The following CMYA5 variants were observed in gnomAD, a reference collection of about 807,000 sequenced individuals.
CMYA5 encodes cardiomyopathy-associated protein 5.
CMYA5 carries 246 observed loss-of-function variants against 318.9 expected under a neutral mutation model. That is an observed-to-expected ratio of 0.77 (90% CI 0.70 to 0.86). The LOEUF is 0.86. Among genes scored for constraint, CMYA5 ranks in the 40% least tolerant of loss-of-function variants. The pLI is 0.00. For synonymous variants in CMYA5, 1,641 were observed against 1,729.5 expected, an observed-to-expected ratio of 0.95 and a Z score of 1.27; for missense variants, 4,589 against 4,678.2, an observed-to-expected ratio of 0.98 and a Z score of 0.56.
At chr5:79,742,068 C>CCCTCT (rs1828220046) in intron 2 of CMYA5, among the ~76,000 whole-genome samples, 20 of 44,680 alleles carry the variant, frequency 4.5e-4, no homozygotes, top group African/African-American at 4.1e-3. Context: ...TCTTCTTCTT[C>CCCTCT]TTCTTCTTCT....
chr5:79,785,104 T>A (rs540022934), intron 9 of CMYA5, among the ~76,000 whole-genome samples: 3 of 152,184 alleles, frequency 2.0e-5, no homozygotes, highest in African/African-American at 7.2e-5. Flanking sequence ...ACTTCCATTA[T>A]TATACACTCA....
rs781549634 is a variant in CMYA5 at position 79,747,088 on chromosome 5, A to C, written c.10969-3A>C. The C allele has an allele frequency of 2.7e-6, 4 of 1,507,458 alleles. No homozygotes were observed. The highest frequency in any genetic ancestry group is 3.6e-6 in the Non-Finnish European group (4 of 1,108,630). The allele number at this position is 1,507,458 out of a possible 1,614,324, so 93.4% of individuals were successfully genotyped here. On this transcript the variant is annotated splice_region_variant and splice_polypyrimidine_tract_variant and intron_variant, in intron 4 of 12. Coordinates refer to ENST00000446378, the MANE Select transcript of CMYA5 (RefSeq NM_153610.5). ...TCCTCCTTCCTCTCTCTTTCTCCCT[A>C]AGTCGTTTGAGGAAATCAATGAAAG...
intron 1 of CMYA5, among the ~76,000 whole-genome samples, chr5:79,690,341 A>G (rs1826942877): frequency 6.6e-6 from 1 of 152,174 alleles, no homozygotes; most frequent in African/African-American, 2.4e-5. Flanking sequence ...AACTGCCGAA[A>G]TGTGCTGGAA....
At chr5:79,707,331 G>A (rs1383949843) in intron 1 of CMYA5, among the ~76,000 whole-genome samples, 2 of 152,094 alleles carry the variant, frequency 1.3e-5, no homozygotes, top group African/African-American at 4.8e-5. Context: ...TTTGTTTAAG[G>A]ACTGTGTGTA....
At chr5:79,746,757 T>A (rs1828331805) in intron 4 of CMYA5, among the ~76,000 whole-genome samples, 1 of 152,138 alleles carries the variant, frequency 6.6e-6, no homozygotes, top group African/African-American at 2.4e-5. Context: ...GGTTGATGAA[T>A]AGAGAGAAGC....
intron 8 of CMYA5, chr5:79,762,852 G>T: frequency 1.9e-6 from 1 of 527,470 alleles, no homozygotes; most frequent in Non-Finnish European, 3.3e-6. Flanking sequence ...GTTTGGGGAT[G>T]GGTGAGAACT....
chr5:79,696,536 C>A (rs1393185019), intron 1 of CMYA5, among the ~76,000 whole-genome samples: 1 of 152,110 alleles, frequency 6.6e-6, no homozygotes, highest in Non-Finnish European at 1.5e-5. Context: ...AAGAAAAATT[C>A]ACTTGCTAAA....
intron 10 of CMYA5, 36 bp downstream of exon 10, chr5:79,789,140 A>C: frequency 6.2e-7 from 1 of 1,610,264 alleles, no homozygotes; most frequent in Non-Finnish European, 8.5e-7. Flanking sequence ...GCTATTTCCA[A>C]GCTATTTCTT....
At chr5:79,743,372 A>G (rs1991483) in intron 2 of CMYA5, among the ~76,000 whole-genome samples, 66,173 of 151,870 alleles carry the variant, frequency 0.44, 15,533 homozygotes, top group African/African-American at 0.62. Flanking sequence ...GCTAAATTTC[A>G]GGCCTTGTGG....
intron 9 of CMYA5, among the ~76,000 whole-genome samples, chr5:79,788,252 T>C (rs1164477168): frequency 6.6e-6 from 1 of 151,420 alleles, no homozygotes; most frequent in East Asian, 1.9e-4. Flanking sequence ...TAGGCTATGA[T>C]ATCAAACAGA....
chr5:79,705,577 C>G (rs948666718), intron 1 of CMYA5, among the ~76,000 whole-genome samples: 5 of 152,176 alleles, frequency 3.3e-5, no homozygotes, highest in Non-Finnish European at 5.9e-5. Context: ...CCCACCCACA[C>G]ATCTTCCCAC....
rs779242405 is a variant in CMYA5, at chr5:79,732,510, G to A, written c.3745G>A (p.Glu1249Lys). ...TTCAGTTTTGCCTGACATGGTAGATGAGCCAAAGAAGGGTGTCAAGCCCAA... is the reference window on the plus strand; with the variant it reads ...TTCAGTTTTGCCTGACATGGTAGATAAGCCAAAGAAGGGTGTCAAGCCCAA... The part of the protein sequence containing the change: ...KYSVLPDMVD[E>K]PKKGVKPKLV... Residue 1249 changes from glutamate (E) to lysine (K), a missense_variant, in exon 2 of 13, where the codon GAG (glutamate) becomes AAG (lysine). Glu to Lys is a moderately conservative substitution (Grantham distance 56). Coordinates refer to ENST00000446378, the MANE Select transcript of CMYA5 (RefSeq NM_153610.5). 2.3e-5 allele frequency: 37 copies of A among 1,613,106 alleles called. No homozygotes were observed. Among genetic ancestry groups the A allele is most frequent in the Admixed American group, 5.0e-5 (3 of 59,864 alleles).
Position 79,734,862 on chromosome 5 carries a change from A to G in CMYA5, c.6097A>G (p.Lys2033Glu). Residue 2033 changes from lysine (K) to glutamate (E), a missense_variant, in exon 2 of 13, where the codon AAA becomes GAA. Around this residue, in one of 3 missense-constraint regions of CMYA5, gnomAD observed 2,431 missense variants for 2,495.1 expected, o/e 0.97. Coordinates refer to ENST00000446378, the MANE Select transcript of CMYA5 (RefSeq NM_153610.5). ...AAACACAGAGCTTTCCTGGCCTTCCAAAGAAGATAGCCAGGAAAAAATTAA... is the reference window on the plus strand; with the variant it reads ...AAACACAGAGCTTTCCTGGCCTTCCGAAGAAGATAGCCAGGAAAAAATTAA... ...KANTELSWPS[K>E]EDSQEKIKLP... is the part of the protein sequence containing the mutation. 6.2e-7 allele frequency: 1 copy of G among 1,613,762 alleles called. No homozygotes were observed. Among genetic ancestry groups the G allele is most frequent in the Non-Finnish European group, 8.5e-7 (1 of 1,179,804 alleles).
rs1163344457 is a variant in CMYA5 at position 79,736,150 on chromosome 5, A to G, written c.7385A>G (p.Asn2462Ser). ...SPTEKKDNLENRSYTLAEKKV... is the reference protein window; with the variant it reads ...SPTEKKDNLESRSYTLAEKKV... Reference sequence around the variant, plus strand: ...ACTGAGAAGAAAGATAATTTGGAAAACAGATCATATACCTTGGCAGAAAAG... The same window carrying G: ...ACTGAGAAGAAAGATAATTTGGAAAGCAGATCATATACCTTGGCAGAAAAG... The change falls in exon 2 of 13, where the codon AAC becomes AGC. Residue 2462 changes from asparagine to serine, a missense_variant. By Grantham distance (46) the Asn-to-Ser change is conservative. This residue lies in a region of CMYA5 where 2,431 missense variants were observed against 2,495.1 expected (regional missense o/e 0.97). Coordinates refer to ENST00000446378, the MANE Select transcript of CMYA5 (RefSeq NM_153610.5). The G allele has an allele frequency of 1.9e-6, 3 of 1,613,786 alleles. No individual in the cohort carries two copies. Among genetic ancestry groups the G allele is most frequent in the Non-Finnish European group, 8.5e-7 (1 of 1,179,778 alleles).
At chr5:79,794,948 T>C (rs528669079) in intron 12 of CMYA5, among the ~76,000 whole-genome samples, 3 of 152,222 alleles carry the variant, frequency 2.0e-5, no homozygotes, top group African/African-American at 7.2e-5. Context: ...TACCCAGAGT[T>C]TGAAATCACT....
At chr5:79,724,563 A>G (rs1020091656) in intron 1 of CMYA5, among the ~76,000 whole-genome samples, 1 of 152,144 alleles carries the variant, frequency 6.6e-6, no homozygotes, top group African/African-American at 2.4e-5. Flanking sequence ...TTGTCTCACT[A>G]CACTCCTATA....
chr5:79,739,940 G>A lies in CMYA5; in HGVS notation c.10638+537G>A, dbSNP rs538985918. On this transcript the variant is annotated intron_variant, in intron 2 of 12. Coordinates refer to ENST00000446378, the MANE Select transcript of CMYA5 (RefSeq NM_153610.5). ...CAAGGCTACAGTTTGCTGAGATCCC[G>A]CCACTGCACTCCACTCTAGGTGACA... Among the ~76,000 whole-genome samples, 39 of 151,844 alleles carry A rather than the reference G, an allele frequency of 2.6e-4. No homozygotes were observed. In the South Asian group the frequency reaches 5.4e-3, roughly 21 times the overall value.
intron 6 of CMYA5, among the ~76,000 whole-genome samples, chr5:79,755,976 T>G (rs1218709264): frequency 2.0e-5 from 3 of 151,784 alleles, no homozygotes; most frequent in Admixed American, 2.0e-4. Flanking sequence ...TACAGCTCCA[T>G]GTATAATTCA....
At position 79,736,006 on chromosome 5, in the gene CMYA5, T is replaced by C. The variant is rs1388023889; in HGVS notation, c.7241T>C (p.Val2414Ala). The C allele has an allele frequency of 1.9e-6, 3 of 1,613,182 alleles. No individual in the cohort carries two copies. The South Asian group carries it at 3.3e-5, about 18-fold the overall frequency. Residue 2414 changes from valine to alanine, a missense_variant, in exon 2 of 13, where the codon GTA (valine) becomes GCA (alanine). Val to Ala is a moderately conservative substitution (Grantham distance 64). This residue lies in a region of CMYA5 where 2,431 missense variants were observed against 2,495.1 expected (regional missense o/e 0.97). Transcript: ENST00000446378. Reference protein sequence around the residue: ...SEKPESIILPVEESKGSLIDF... With the variant: ...SEKPESIILPAEESKGSLIDF... ...AAACCAGAGTCAATTATTTTGCCAG[T>C]AGAAGAATCAAAAGGCAGTTTAATT... is the stretch of plus-strand genomic sequence containing the variant.
Sources: allele counts gnomAD v4.1 joint callset (sites outside exome capture counted in the v4.1 genomes callset), GRCh38; gene constraint gnomAD v4.1.1; regional missense constraint gnomAD v4.1.1; transcripts MANE v1.5; gene names NCBI Gene and HGNC (gene_info 2026-07-23, HGNC 2026-07-21).